ETS1: variants seen among roughly 807,000 people sequenced by gnomAD.
The protein encoded by ETS1 is ETS proto-oncogene 1, transcription factor.
A neutral mutation model predicts 58.6 loss-of-function variants in ETS1; 15 were observed. The ratio of observed to expected loss-of-function variants is 0.26; its 90% CI spans 0.17 to 0.39. The LOEUF (loss-of-function observed/expected upper bound fraction) is 0.39, where lower values mean the gene tolerates loss of function less well. Among genes scored for constraint, ETS1 ranks in the 10% least tolerant of loss-of-function variants. The pLI, the probability that ETS1 is intolerant of heterozygous loss-of-function variation, is 1.00. For synonymous variants in ETS1, 214 were observed against 218.2 expected (o/e 0.98, Z 0.17); for missense variants, 417 against 610.5 (o/e 0.68, Z 3.34).
At position 128,460,253 on chromosome 11, in the gene ETS1, A is replaced by G. The variant is rs922663714; in HGVS notation, c.*2108T>C. 6.5e-6 allele frequency: 1 copy of G among 152,776 alleles called. No individual in the cohort carries two copies. 9.5% of individuals were successfully genotyped at this position (152,776 alleles called of 1,614,324 possible). Reference sequence around the variant, plus strand: ...TGAGCAGCTCCTAAAATATTTTGAGAGCTTCATTAAGGCACCTGCATCCAA... The same window carrying G: ...TGAGCAGCTCCTAAAATATTTTGAGGGCTTCATTAAGGCACCTGCATCCAA... On this transcript the variant is annotated 3_prime_UTR_variant, in exon 10 of 10. Transcript: ENST00000392668.
Position 128,480,443 on chromosome 11 carries a change from C to G in ETS1, c.871G>C (p.Gly291Arg). 1 of 1,611,168 alleles carries G rather than the reference C, an allele frequency of 6.2e-7. No individual in the cohort carries two copies. Among genetic ancestry groups the G allele is most frequent in the Non-Finnish European group, 8.5e-7 (1 of 1,177,876 alleles). Residue 291 changes from glycine (G) to arginine (R), a missense_variant, in exon 8 of 10, where the codon GGG (glycine) becomes CGG (arginine). By Grantham distance (125) the Gly-to-Arg change is moderately radical. Transcript: ENST00000392668. ...CMGRTSRGKL[G>R]GQDSFESIES... ...ATGCTTTCAAAAGAGTCCTGGCCCCCGAGTTTACCTGGAGGTAAAGGAGGA... is the reference window on the plus strand; with the variant it reads ...ATGCTTTCAAAAGAGTCCTGGCCCCGGAGTTTACCTGGAGGTAAAGGAGGA...
intron 3 of ETS1, among the ~76,000 whole-genome samples, chr11:128,509,570 T>G (rs1296239788): frequency 7.1e-6 from 1 of 140,752 alleles, no homozygotes; most frequent in South Asian, 2.4e-4. Context: ...TTTTTTTTTT[T>G]TTTTTTACTT....
At chr11:128,520,046 T>C (rs1591637878) in intron 3 of ETS1, among the ~76,000 whole-genome samples, 1 of 152,232 alleles carries the variant, frequency 6.6e-6, no homozygotes, top group South Asian at 2.1e-4. Flanking sequence ...AGATGACCAA[T>C]GGCTTGGAAA....
intron 8 of ETS1, among the ~76,000 whole-genome samples, chr11:128,469,858 T>C (rs1862137533): frequency 6.6e-6 from 1 of 152,224 alleles, no homozygotes; most frequent in South Asian, 2.1e-4. Flanking sequence ...CCCAATCTTA[T>C]CTCATCTCTA....
At chr11:128,490,714 A>ATTTTTT (rs35432800) in intron 3 of ETS1, 138 bp from the exon 4 acceptor site, 7 of 331,786 alleles carry the variant, frequency 2.1e-5, no homozygotes, top group African/African-American at 5.2e-5. Context: ...AGAGCAGGCA[A>ATTTTTT]TTTTTTTTTT....
chr11:128,520,643 C>T (rs1863641607), intron 3 of ETS1, among the ~76,000 whole-genome samples: 1 of 152,234 alleles, frequency 6.6e-6, no homozygotes, highest in African/African-American at 2.4e-5. Context: ...ATTGCTCCCA[C>T]CACCATCATC....
At chr11:128,501,745 A>G (rs1863094981) in intron 3 of ETS1, among the ~76,000 whole-genome samples, 1 of 152,218 alleles carries the variant, frequency 6.6e-6, no homozygotes, top group South Asian at 2.1e-4. Flanking sequence ...CCAGTTACAA[A>G]TCCTCCTGAC....
intron 3 of ETS1, among the ~76,000 whole-genome samples, chr11:128,509,597 T>A (rs972682509): frequency 1.4e-5 from 2 of 139,236 alleles, no homozygotes; most frequent in Admixed American, 7.4e-5. Flanking sequence ...TACTAACACA[T>A]CCCAATGGTA....
At chr11:128,566,071 TGG>T (rs1864488884) in intron 2 of ETS1, among the ~76,000 whole-genome samples, 1 of 152,168 alleles carries the variant, frequency 6.6e-6, no homozygotes, top group African/African-American at 2.4e-5. Context: ...GTTTACACAA[TGG>T]GGTTGTAAAC....
intron 8 of ETS1, among the ~76,000 whole-genome samples, chr11:128,476,552 G>A (rs1285762294): frequency 6.6e-6 from 1 of 152,222 alleles, no homozygotes; most frequent in Non-Finnish European, 1.5e-5. Context: ...AATGGGACTA[G>A]AGGGGTTGAG....
chr11:128,523,984 A>C (rs1863752762), intron 3 of ETS1, among the ~76,000 whole-genome samples: 2 of 152,118 alleles, frequency 1.3e-5, no homozygotes, highest in Admixed American at 6.5e-5. Flanking sequence ...AGAAGAAGTG[A>C]ACAAATCTAG....
At position 128,548,910 on chromosome 11, in the gene ETS1, AC is replaced by A. The variant is rs1253321955; in HGVS notation, c.214+7380del. Among the ~76,000 whole-genome samples the A allele has an allele frequency of 4.0e-5, 6 of 151,840 alleles. No homozygotes were observed. The East Asian group carries it at 1.2e-3, about 29-fold the overall frequency. ...TTTCCTCTTTTCCCATAACCTCCAG[AC>A]CCCCATGGCCCAAGTGTTTACTCTC... On this transcript the variant is annotated intron_variant, in intron 3 of 9. Transcript: ENST00000392668.
At position 128,463,751 on chromosome 11, in the gene ETS1, CAACA is replaced by C. The variant is rs1439612443; in HGVS notation, c.1124-128_1124-125del. ...CCATCCAGCCAGGAGAAAATGAAGGCAACAGACAGTGCACATGTCGGAGGAAGTG... is the reference window on the plus strand; with the variant it reads ...CCATCCAGCCAGGAGAAAATGAAGGCGACAGTGCACATGTCGGAGGAAGTG... On this transcript the variant is annotated intron_variant, in intron 8 of 9. Transcript: ENST00000392668. This position sits in a 1 kb window ranked among gnomAD's most constrained non-coding sequence, Gnocchi z 4.1. 1 of 674,728 alleles carries C rather than the reference CAACA, an allele frequency of 1.5e-6. No individual in the cohort carries two copies. The allele number at this position is 674,728 out of a possible 1,614,324, so 41.8% of individuals were successfully genotyped here.
chr11:128,552,961 G>T (rs1469447807), intron 3 of ETS1, among the ~76,000 whole-genome samples: 1 of 152,216 alleles, frequency 6.6e-6, no homozygotes, highest in Non-Finnish European at 1.5e-5. Context: ...ATGGTGGTTG[G>T]AGAGAAAGGG....
At chr11:128,506,318 G>A (rs780458341) in intron 3 of ETS1, among the ~76,000 whole-genome samples, 137 of 152,308 alleles carry the variant, frequency 9.0e-4, no homozygotes, top group Non-Finnish European at 1.7e-3. Flanking sequence ...AAATGTTAGA[G>A]AGAGAAAGAG....
rs190288663 is a variant in ETS1, at chr11:128,559,619, C to T, written c.70-3184G>A. ...AATGTACAAAAACTACCATTAACCACGAGAATCTTTACCAGGGGATGCTCC... is the reference window on the plus strand; with the variant it reads ...AATGTACAAAAACTACCATTAACCATGAGAATCTTTACCAGGGGATGCTCC... On this transcript the variant is annotated intron_variant, in intron 2 of 9. Coordinates refer to ENST00000392668, the MANE Select transcript of ETS1 (RefSeq NM_001143820.2). 3.7e-4 allele frequency among the ~76,000 whole-genome samples: 56 copies of T among 152,322 alleles called. 1 individual carries two copies. The highest frequency in any genetic ancestry group is 1.2e-3 in the African/African-American group (50 of 41,578).
chr11:128,470,834 T>C (rs1862168827), intron 8 of ETS1, among the ~76,000 whole-genome samples: 1 of 152,228 alleles, frequency 6.6e-6, no homozygotes, highest in Non-Finnish European at 1.5e-5. Flanking sequence ...AAATTTTTAA[T>C]ATTTTCAATG....
At chr11:128,580,722 G>A (rs1168583798) in intron 1 of ETS1, among the ~76,000 whole-genome samples, 3 of 152,142 alleles carry the variant, frequency 2.0e-5, no homozygotes, top group African/African-American at 2.4e-5. Flanking sequence ...CTTAAGCTAA[G>A]TGCATTTATT....
At chr11:128,503,947 C>A (rs192849825) in intron 3 of ETS1, among the ~76,000 whole-genome samples, 1 of 152,160 alleles carries the variant, frequency 6.6e-6, no homozygotes, top group Admixed American at 6.5e-5. Context: ...CACCAAAAAC[C>A]GATGGTGCCG....
Sources: gnomAD v4.1 joint callset for allele counts (sites outside exome capture counted in the v4.1 genomes callset) on GRCh38, gnomAD v4.1.1 for gene constraint, Gnocchi (gnomAD v3.1) non-coding constraint, MANE v1.5 for transcripts, NCBI Gene and HGNC (gene_info 2026-07-23, HGNC 2026-07-21) for gene names.